MASTL: variants seen among roughly 807,000 people sequenced by gnomAD.
MASTL encodes the protein microtubule associated serine/threonine kinase like.
Under a neutral mutation model 82.5 loss-of-function variants are expected in MASTL, and 54 were observed. That is an observed-to-expected ratio of 0.65 (90% CI 0.53 to 0.82). The LOEUF (loss-of-function observed/expected upper bound fraction) is 0.82, where lower values mean the gene tolerates loss of function less well. Ranked by LOEUF, MASTL falls within the 40% of genes least tolerant of loss-of-function variation. The pLI is 0.00. For synonymous variants in MASTL, 323 were observed against 368.9 expected, an observed-to-expected ratio of 0.88 and a Z score of 1.43; for missense variants, 950 against 1,047.8, an observed-to-expected ratio of 0.91 and a Z score of 1.29.
At chr10:27,158,728 A>G (rs1485334948) in intron 2 of MASTL, 42 bp downstream of exon 2, 3 of 1,603,538 alleles carry the variant, frequency 1.9e-6, no homozygotes, top group Admixed American at 3.3e-5. Context: ...TCCATTAAGC[A>G]GTCATTGAAC....
intron 8 of MASTL, among the ~76,000 whole-genome samples, chr10:27,171,580 C>A (rs889782456): frequency 6.6e-6 from 1 of 150,902 alleles, no homozygotes; most frequent in Non-Finnish European, 1.5e-5. Context: ...TATAAGGGGC[C>A]CACCACCACA....
At chr10:27,180,153 T>C (rs901642654) in intron 9 of MASTL, among the ~76,000 whole-genome samples, 2 of 152,152 alleles carry the variant, frequency 1.3e-5, no homozygotes, top group African/African-American at 2.4e-5. Context: ...GCTGATGGCG[T>C]GGGCAATAAA....
chr10:27,171,891 C>T (rs1333527278), intron 8 of MASTL, among the ~76,000 whole-genome samples: 11 of 131,044 alleles, frequency 8.4e-5, no homozygotes, highest in African/African-American at 2.5e-4. Flanking sequence ...TGCAGTGGCG[C>T]GATCTTGGCT....
At position 27,170,726 on chromosome 10, in the gene MASTL, T is replaced by C. The variant is rs779641027; in HGVS notation, c.1767T>C (p.Asp589=). The change falls in exon 8 of 12, where the codon GAT becomes GAC. Residue 589 remains aspartate, a synonymous_variant. Coordinates refer to ENST00000375940, the MANE Select transcript of MASTL (RefSeq NM_001172303.3). Reference sequence around the variant, plus strand: ...GTCCATTAGAAAGTCAGCCCTTAGATTCAGATAGAAGCATCAAAGAATCCT... The same window carrying C: ...GTCCATTAGAAAGTCAGCCCTTAGACTCAGATAGAAGCATCAAAGAATCCT... ...MESPLESQPL[D]SDRSIKESSF... is the part of the protein sequence containing the mutation. 5.0e-6 allele frequency: 8 copies of C among 1,613,630 alleles called. No individual in the cohort carries two copies. The highest frequency in any genetic ancestry group is 1.3e-5 in the African/African-American group (1 of 74,892).
intron 1 of MASTL, among the ~76,000 whole-genome samples, chr10:27,157,436 C>T (rs895532737): frequency 8.5e-5 from 13 of 152,144 alleles, no homozygotes; most frequent in African/African-American, 3.1e-4. Context: ...TAGGAAAAAT[C>T]ATGTTACCAG....
rs1176510939 is a variant in MASTL at position 27,171,821 on chromosome 10, G to GTTTATTTTTTTTT, written c.2124+741_2124+742insATTTTTTTTTTTT. ...TAAGAGAATAAAAGTTGAAAAATAT[G>GTTTATTTTTTTTT]TTTCTTTTTTTTTTTTTTTTTTTTT... On this transcript the variant is annotated intron_variant, in intron 8 of 11. Coordinates refer to ENST00000375940, the MANE Select transcript of MASTL (RefSeq NM_001172303.3). 8.4e-5 allele frequency among the ~76,000 whole-genome samples: 6 copies of GTTTATTTTTTTTT among 71,214 alleles called. No individual in the cohort carries two copies. In the East Asian group the frequency reaches 1.2e-3, roughly 14 times the overall value. The allele number at this position is 71,214 out of a possible 152,430, so 46.7% of individuals were successfully genotyped here. A position where few individuals can be genotyped will look rare whatever the true frequency, so the allele number is the denominator to read the frequency against.
intron 1 of MASTL, 65 bp from the exon 2 acceptor site, chr10:27,158,484 C>A: frequency 7.5e-7 from 1 of 1,332,620 alleles, no homozygotes; most frequent in Non-Finnish European, 1.1e-6. Context: ...TCAGCCTGGG[C>A]AAGAGAATGA....
rs151201346 is a variant in MASTL at position 27,182,183 on chromosome 10, G to A, written c.2482+602G>A. ...GGAGAATCGCTTCAACCCGGGAGGC[G>A]GACATTGCAGTGACCAGAGATCACA... On this transcript the variant is annotated intron_variant, in intron 11 of 11. Coordinates refer to ENST00000375940, the MANE Select transcript of MASTL (RefSeq NM_001172303.3). 1.9e-3 allele frequency among the ~76,000 whole-genome samples: 286 copies of A among 151,260 alleles called. 3 individuals carry two copies. In the South Asian group the frequency reaches 0.023, roughly 12 times the overall value.
rs773410017 is a variant in MASTL, at chr10:27,159,843, C to G, written c.464+85C>G. On this transcript the variant is annotated intron_variant, in intron 3 of 11. Transcript: ENST00000375940. The surrounding 1 kb of genome is among the most constrained non-coding windows in gnomAD (Gnocchi z 4.0). Reference sequence around the variant, plus strand: ...GAGTCTCAGATATTCACAGTAACCACTTGCACTTATTTCCAGGTTATCTAA... The same window carrying G: ...GAGTCTCAGATATTCACAGTAACCAGTTGCACTTATTTCCAGGTTATCTAA... The G allele has an allele frequency of 5.2e-6, 6 of 1,161,554 alleles. No individual in the cohort carries two copies. Among genetic ancestry groups the G allele is most frequent in the African/African-American group, 1.5e-5 (1 of 66,306 alleles). 72.0% of individuals were successfully genotyped at this position (1,161,554 alleles called of 1,614,324 possible).
chr10:27,161,192 A>G lies in MASTL; in HGVS notation c.553+10A>G. On this transcript the variant is annotated intron_variant, in intron 4 of 11. Coordinates refer to ENST00000375940, the MANE Select transcript of MASTL (RefSeq NM_001172303.3). Reference sequence around the variant, plus strand: ...GTTACTTTGAATAGAGGTAAGAAAAATATCAAGTAAGTACTTTTTTAAAAC... The same window carrying G: ...GTTACTTTGAATAGAGGTAAGAAAAGTATCAAGTAAGTACTTTTTTAAAAC... 6.8e-7 allele frequency: 1 copy of G among 1,464,004 alleles called. No homozygotes were observed. Among genetic ancestry groups the G allele is most frequent in the Non-Finnish European group, 9.6e-7 (1 of 1,043,512 alleles). 90.7% of individuals were successfully genotyped at this position (1,464,004 alleles called of 1,614,324 possible).
At chr10:27,157,610 A>C (rs1226943546) in intron 1 of MASTL, among the ~76,000 whole-genome samples, 1 of 152,150 alleles carries the variant, frequency 6.6e-6, no homozygotes, top group Non-Finnish European at 1.5e-5. Flanking sequence ...CTGACTATTC[A>C]GTTTAGTGCT....
chr10:27,160,480 G>C (rs2057532765), intron 3 of MASTL, among the ~76,000 whole-genome samples: 1 of 152,028 alleles, frequency 6.6e-6, no homozygotes, highest in African/African-American at 2.4e-5. Context: ...GCCAGGTGTG[G>C]TGGCTCATAC....
chr10:27,181,599 T>C lies in MASTL; in HGVS notation c.2482+18T>C. On this transcript the variant is annotated intron_variant, in intron 11 of 11. Coordinates refer to ENST00000375940, the MANE Select transcript of MASTL (RefSeq NM_001172303.3). ...AATGAAAGGTATGGTTTTGTGTTAA[T>C]ACATTGTTTTACCATTGATTTTTTG... 2.0e-6 allele frequency: 3 copies of C among 1,535,800 alleles called. No homozygotes were observed. The highest frequency in any genetic ancestry group is 1.7e-5 in the Admixed American group (1 of 59,682).
At chr10:27,177,346 C>T (rs2058133614) in intron 9 of MASTL, among the ~76,000 whole-genome samples, 1 of 152,124 alleles carries the variant, frequency 6.6e-6, no homozygotes, top group Non-Finnish European at 1.5e-5. Flanking sequence ...TTTGCTAGCC[C>T]ATTTTCTGTA....
intron 11 of MASTL, 47 bp downstream of exon 11, chr10:27,181,628 A>T: frequency 1.4e-6 from 2 of 1,383,416 alleles, no homozygotes; most frequent in Non-Finnish European, 1.0e-6. Flanking sequence ...TTTTTTGCAG[A>T]TGGTGAATAT....
intron 4 of MASTL, among the ~76,000 whole-genome samples, chr10:27,164,688 A>G (rs2057683406): frequency 6.6e-6 from 1 of 151,896 alleles, no homozygotes; most frequent in African/African-American, 2.4e-5. Context: ...CCCTGGTCGG[A>G]GTGCAGTAGC....
intron 8 of MASTL, among the ~76,000 whole-genome samples, chr10:27,172,653 TC>T (rs1169188637): frequency 2.0e-5 from 3 of 150,856 alleles, no homozygotes; most frequent in African/African-American, 7.3e-5. Flanking sequence ...AAACTCCATC[TC>T]AAAAAAAAAA....
rs549477659 is a variant in MASTL at position 27,185,695 on chromosome 10, C to G, written c.2483-684C>G. Reference sequence around the variant, plus strand: ...CCCAGCTACTTGGGAGGCTGAGGCACGAGAACCACTCAACCTGGGAGATGG... The same window carrying G: ...CCCAGCTACTTGGGAGGCTGAGGCAGGAGAACCACTCAACCTGGGAGATGG... On this transcript the variant is annotated intron_variant, in intron 11 of 11. Transcript: ENST00000375940. Among the ~76,000 whole-genome samples, 6 of 144,676 alleles carry G rather than the reference C, an allele frequency of 4.1e-5. No individual in the cohort carries two copies. The East Asian group carries it at 1.0e-3, about 25-fold the overall frequency. 94.9% of individuals were successfully genotyped at this position (144,676 alleles called of 152,430 possible).
intron 4 of MASTL, among the ~76,000 whole-genome samples, chr10:27,163,686 A>C (rs1343892443): frequency 6.6e-6 from 1 of 150,544 alleles, no homozygotes; most frequent in Non-Finnish European, 1.5e-5. Context: ...GCTGGAGTGC[A>C]GGGGCACAAT....
Sources: gnomAD v4.1 joint callset for allele counts (sites outside exome capture counted in the v4.1 genomes callset) on GRCh38, gnomAD v4.1.1 for gene constraint, Gnocchi (gnomAD v3.1) non-coding constraint, MANE v1.5 for transcripts, NCBI Gene and HGNC (gene_info 2026-07-23, HGNC 2026-07-21) for gene names.